KIAA1217: variants seen among roughly 807,000 people sequenced by gnomAD.
KIAA1217 encodes sickle tail protein homolog.
KIAA1217 carries 88 observed loss-of-function variants against 163.9 expected under a neutral mutation model. The ratio of observed to expected loss-of-function variants is 0.54; its 90% CI spans 0.45 to 0.64. The LOEUF is 0.64. KIAA1217 is among the 30% of genes least tolerant of loss of function. The probability of loss-of-function intolerance (pLI) is 0.00; values close to 1 mark genes in which losing one functional copy is unlikely to be tolerated. For synonymous variants in KIAA1217, 903 were observed against 923.1 expected (o/e 0.98, Z 0.39); for missense variants, 2,372 against 2,475.0 (o/e 0.96, Z 0.88).
intron 1 of KIAA1217, among the ~76,000 whole-genome samples, chr10:23,967,711 T>C (rs1290717658): frequency 2.0e-5 from 3 of 152,202 alleles, no homozygotes; most frequent in African/African-American, 7.2e-5. Flanking sequence ...GCATTTATTT[T>C]TTAATGTTTT....
chr10:23,758,619 T>A (rs1490920817), intron 1 of KIAA1217, among the ~76,000 whole-genome samples: 2 of 139,650 alleles, frequency 1.4e-5, no homozygotes, highest in Non-Finnish European at 3.0e-5. Context: ...TTTCTTTCTT[T>A]CTTACTTTCT....
At chr10:24,254,433 G>A (rs1055171197) in intron 2 of KIAA1217, among the ~76,000 whole-genome samples, 1 of 152,216 alleles carries the variant, frequency 6.6e-6, no homozygotes, top group Non-Finnish European at 1.5e-5. Flanking sequence ...CCAGCAGGAC[G>A]TATTCTTCAG....
At chr10:24,333,253 G>A (rs2045927148) in intron 2 of KIAA1217, among the ~76,000 whole-genome samples, 1 of 152,058 alleles carries the variant, frequency 6.6e-6, no homozygotes, top group Non-Finnish European at 1.5e-5. Context: ...TTGAACTCCT[G>A]ACCTCAAGTG....
chr10:23,955,074 T>C (rs562944540), intron 1 of KIAA1217, among the ~76,000 whole-genome samples: 103 of 152,324 alleles, frequency 6.8e-4, no homozygotes, highest in African/African-American at 2.4e-3. Flanking sequence ...GTTTTTTATA[T>C]GCCTTATGTA....
At chr10:24,016,756 TA>T (rs2131502876) in intron 2 of KIAA1217, among the ~76,000 whole-genome samples, 1 of 152,178 alleles carries the variant, frequency 6.6e-6, no homozygotes, top group Admixed American at 6.5e-5. Flanking sequence ...TTTCCTCATG[TA>T]AAAATAAGCA....
chr10:24,271,865 T>G (rs1209188358), intron 2 of KIAA1217, among the ~76,000 whole-genome samples: 1 of 152,142 alleles, frequency 6.6e-6, no homozygotes, highest in Non-Finnish European at 1.5e-5. Flanking sequence ...CCCAGCCTCT[T>G]CAAATAAAAA....
intron 2 of KIAA1217, among the ~76,000 whole-genome samples, chr10:24,058,367 G>A (rs964862676): frequency 1.3e-5 from 2 of 152,012 alleles, no homozygotes; most frequent in African/African-American, 4.8e-5. Context: ...AAATATTTTG[G>A]CTATTTAGGA....
intron 1 of KIAA1217, among the ~76,000 whole-genome samples, chr10:23,843,924 T>A (rs1414572644): frequency 6.6e-6 from 1 of 152,174 alleles, no homozygotes; most frequent in African/African-American, 2.4e-5. Context: ...TCTCCATTAT[T>A]CAGCATGGTA....
chr10:23,724,518 G>A (rs188960940), intron 1 of KIAA1217, among the ~76,000 whole-genome samples: 6 of 151,910 alleles, frequency 3.9e-5, no homozygotes, highest in Admixed American at 1.3e-4. Context: ...ATTATCCAAG[G>A]TATTTTTACA....
intron 1 of KIAA1217, among the ~76,000 whole-genome samples, chr10:23,945,835 C>T (rs1844007598): frequency 6.6e-6 from 1 of 152,092 alleles, no homozygotes; most frequent in Non-Finnish European, 1.5e-5. Flanking sequence ...GGGCTATTCA[C>T]AGGAAAGAAG....
intron 1 of KIAA1217, among the ~76,000 whole-genome samples, chr10:23,870,509 A>G (rs1448766648): frequency 6.6e-6 from 1 of 152,078 alleles, no homozygotes; most frequent in East Asian, 1.9e-4. Flanking sequence ...CAAGGCAACA[A>G]TAAGGAATGG....
In KIAA1217 at chr10:24,251,174, C is replaced by T. The variant is rs539654338; in HGVS notation, c.354+31265C>T. Among the ~76,000 whole-genome samples the T allele has an allele frequency of 1.7e-4, 25 of 151,504 alleles. No individual in the cohort carries two copies. The East Asian group carries it at 4.5e-3, about 27-fold the overall frequency. On this transcript the variant is annotated intron_variant, in intron 2 of 20. Transcript: ENST00000376454. ...CCAGGAGGCGGAGGTTGCAGTGAGC[C>T]GAGATCACACCACTGCACTCCAGCC...
intron 1 of KIAA1217, among the ~76,000 whole-genome samples, chr10:23,701,419 A>T (rs1429171880): frequency 1.3e-5 from 2 of 152,162 alleles, no homozygotes; most frequent in African/African-American, 4.8e-5. Flanking sequence ...ACATTCTCTC[A>T]TGTCCATGCA....
At chr10:23,759,068 C>G (rs1291513997) in intron 1 of KIAA1217, among the ~76,000 whole-genome samples, 1 of 152,172 alleles carries the variant, frequency 6.6e-6, no homozygotes, top group South Asian at 2.1e-4. Context: ...AATCTTTCCA[C>G]TTATTTATTT....
chr10:23,699,208 T>C (rs1029054), intron 1 of KIAA1217, among the ~76,000 whole-genome samples: 151,632 of 152,340 alleles, frequency 1, 75,467 homozygotes, highest in Middle Eastern at 1. Flanking sequence ...GGCTCCCAGT[T>C]TCAGACACGG....
intron 1 of KIAA1217, among the ~76,000 whole-genome samples, chr10:23,743,622 G>A (rs751632125): frequency 2.0e-5 from 3 of 152,164 alleles, no homozygotes; most frequent in African/African-American, 7.2e-5. Context: ...CTGCTATGTT[G>A]AGAGAAATGA....
At chr10:24,264,765 TTCTCTCTCTCTCTCTC>T (rs55761615) in intron 2 of KIAA1217, among the ~76,000 whole-genome samples, 4 of 131,836 alleles carry the variant, frequency 3.0e-5, no homozygotes, top group South Asian at 2.6e-4. Flanking sequence ...CGGTCGGTCT[TTCTCTCTCTCTCTCTC>T]TCTCTCTCTC....
chr10:23,812,860 G>A (rs1336291397), intron 1 of KIAA1217, among the ~76,000 whole-genome samples: 1 of 152,096 alleles, frequency 6.6e-6, no homozygotes, highest in Non-Finnish European at 1.5e-5. Flanking sequence ...TTTCTTCTTG[G>A]GTTGTTTCCA....
rs186561880 is a variant in KIAA1217, at chr10:23,751,953, T to C, written c.-321+56719T>C. ...TCAACTCTCTGGAAAACTATTTTTATAGGCAAAAAGTAGGTGGGTATGTGG... is the reference window on the plus strand; with the variant it reads ...TCAACTCTCTGGAAAACTATTTTTACAGGCAAAAAGTAGGTGGGTATGTGG... On this transcript the variant is annotated intron_variant, in intron 1 of 18. Transcript: ENST00000376462. Among the ~76,000 whole-genome samples the C allele has an allele frequency of 1.2e-3, 190 of 152,306 alleles. 2 individuals carry two copies. Among genetic ancestry groups the C allele is most frequent in the Admixed American group, 5.6e-3 (85 of 15,302 alleles).
Sources: allele counts gnomAD v4.1 joint callset (sites outside exome capture counted in the v4.1 genomes callset), GRCh38; gene constraint gnomAD v4.1.1; transcripts MANE v1.5; gene names NCBI Gene and HGNC (gene_info 2026-07-23, HGNC 2026-07-21).